GFPT1: variants seen among roughly 807,000 people sequenced by gnomAD.
GFPT1 encodes the protein glutamine--fructose-6-phosphate transaminase 1.
In GFPT1, 40 loss-of-function variants were observed where a neutral mutation model predicts 92.0. That is an observed-to-expected ratio of 0.43 (90% CI 0.34 to 0.57). GFPT1 has a LOEUF of 0.57. Among genes scored for constraint, GFPT1 ranks in the 20% least tolerant of loss-of-function variants. The probability of loss-of-function intolerance (pLI) is 0.02; values close to 1 mark genes in which losing one functional copy is unlikely to be tolerated. For missense variants in GFPT1, 448 were observed against 869.1 expected (o/e 0.52, Z 6.09); for synonymous variants, 269 against 280.6 (o/e 0.96, Z 0.41).
intron 1 of GFPT1, among the ~76,000 whole-genome samples, chr2:69,375,245 C>T (rs1483857611): frequency 2.3e-5 from 3 of 128,240 alleles, no homozygotes; most frequent in African/African-American, 8.2e-5. Flanking sequence ...GTTCAAGCTG[C>T]TTATTTTAAA....
At chr2:69,359,407 T>A in intron 4 of GFPT1, 81 bp from the exon 5 acceptor site, 1 of 799,674 alleles carries the variant, frequency 1.3e-6, no homozygotes. Context: ...ACTGGATTTT[T>A]CTCAAGTCAA....
intron 3 of GFPT1, among the ~76,000 whole-genome samples, chr2:69,364,921 G>C (rs1299402182): frequency 1.4e-5 from 2 of 147,028 alleles, no homozygotes; most frequent in African/African-American, 5.1e-5. Flanking sequence ...CTTGAACCCA[G>C]GAGGTAGAGG....
intron 6 of GFPT1, among the ~76,000 whole-genome samples, chr2:69,356,982 C>T (rs1278408940): frequency 6.6e-6 from 1 of 152,160 alleles, no homozygotes; most frequent in African/African-American, 2.4e-5. Context: ...CTGCCCACCT[C>T]GGCCTCCCAA....
intron 6 of GFPT1, among the ~76,000 whole-genome samples, chr2:69,357,514 CACA>C (rs1671367652): frequency 6.6e-6 from 1 of 152,142 alleles, no homozygotes. Context: ...GCTGGGAAGG[CACA>C]CTACTCCACT....
At chr2:69,328,948 A>G (rs895238398) in intron 17 of GFPT1, among the ~76,000 whole-genome samples, 1 of 152,056 alleles carries the variant, frequency 6.6e-6, no homozygotes, top group Non-Finnish European at 1.5e-5. Flanking sequence ...AGTTTGATCT[A>G]CCTGCCATGT....
chr2:69,359,432 C>CTA, intron 4 of GFPT1, 106 bp from the exon 5 acceptor site: 2 of 675,690 alleles, frequency 3.0e-6, no homozygotes, highest in South Asian at 1.5e-5. Context: ...TTTTAACATG[C>CTA]TATATACTAT....
intron 3 of GFPT1, among the ~76,000 whole-genome samples, chr2:69,367,080 A>C (rs1313319201): frequency 6.6e-6 from 1 of 152,192 alleles, no homozygotes; most frequent in Admixed American, 6.5e-5. Flanking sequence ...AAATGTAAAA[A>C]ATGCAGTTGA....
At chr2:69,381,298 A>G (rs2104701525) in intron 1 of GFPT1, among the ~76,000 whole-genome samples, 1 of 152,030 alleles carries the variant, frequency 6.6e-6, no homozygotes, top group African/African-American at 2.4e-5. Flanking sequence ...TAAAGTCTTC[A>G]TTTTCTTTTT....
At chr2:69,350,266 C>A in intron 9 of GFPT1, 83 bp from the exon 10 acceptor site, 1 of 927,820 alleles carries the variant, frequency 1.1e-6, no homozygotes, top group African/African-American at 1.7e-5. Flanking sequence ...TCTATAAAAT[C>A]AAGAAAAAAT....
intron 18 of GFPT1, 65 bp from the exon 19 acceptor site, chr2:69,327,140 G>C: frequency 6.8e-7 from 1 of 1,472,096 alleles, no homozygotes; most frequent in South Asian, 1.1e-5. Flanking sequence ...TATAGCTTAC[G>C]AATGTGCAAA....
intron 15 of GFPT1, among the ~76,000 whole-genome samples, chr2:69,337,113 G>GGAGT (rs566293440): frequency 8.0e-4 from 117 of 145,926 alleles, no homozygotes; most frequent in Middle Eastern, 3.6e-3. Flanking sequence ...CACCCAGACT[G>GGAGT]GAGTGCAGTG....
intron 8 of GFPT1, 21 bp downstream of exon 8, chr2:69,354,468 C>T (rs1344864084): frequency 2.2e-5 from 32 of 1,447,614 alleles, no homozygotes; most frequent in Non-Finnish European, 2.8e-5. Context: ...TACTGCACTG[C>T]ATTTGTAGAG....
chr2:69,369,171 T>C (rs1489306887), intron 3 of GFPT1, among the ~76,000 whole-genome samples: 1 of 151,998 alleles, frequency 6.6e-6, no homozygotes, highest in African/African-American at 2.4e-5. Flanking sequence ...AATCTTACAC[T>C]ACAATACAGG....
intron 15 of GFPT1, 26 bp downstream of exon 15, chr2:69,337,872 A>T: frequency 1.3e-6 from 2 of 1,592,304 alleles, no homozygotes; most frequent in Non-Finnish European, 1.7e-6. Flanking sequence ...TTAAATAATC[A>T]TCAGAGAAAT....
intron 12 of GFPT1, among the ~76,000 whole-genome samples, chr2:69,345,513 T>C (rs1042452502): frequency 6.6e-6 from 1 of 152,166 alleles, no homozygotes. Flanking sequence ...ACACATAAAA[T>C]TTACCATTTT....
chr2:69,332,792 G>A (rs558996202), intron 15 of GFPT1, among the ~76,000 whole-genome samples: 3 of 152,056 alleles, frequency 2.0e-5, no homozygotes, highest in Admixed American at 1.3e-4. Context: ...GGGTGTGTGT[G>A]TGCGCGCGCG....
intron 12 of GFPT1, among the ~76,000 whole-genome samples, chr2:69,343,132 A>G (rs968941055): frequency 6.6e-5 from 10 of 152,170 alleles, no homozygotes; most frequent in African/African-American, 2.4e-4. Flanking sequence ...ATAGCTATTT[A>G]CATGTTGTTC....
chr2:69,329,031 A>G (rs1156778780), intron 17 of GFPT1, among the ~76,000 whole-genome samples: 1 of 152,146 alleles, frequency 6.6e-6, no homozygotes, highest in Non-Finnish European at 1.5e-5. Flanking sequence ...TCTTATCTAG[A>G]GAACTTAATC....
intron 11 of GFPT1, among the ~76,000 whole-genome samples, chr2:69,347,794 T>G (rs1671119758): frequency 6.6e-6 from 1 of 152,186 alleles, no homozygotes; most frequent in African/African-American, 2.4e-5. Context: ...TATAGTAGCT[T>G]CTTAATCCTC....
Sources: gnomAD v4.1 joint callset for allele counts (sites outside exome capture counted in the v4.1 genomes callset) on GRCh38, gnomAD v4.1.1 for gene constraint, MANE v1.5 for transcripts, NCBI Gene and HGNC (gene_info 2026-07-23, HGNC 2026-07-21) for gene names.